Variants in MCTP1 observed in about 807,000 individuals in gnomAD.
The protein encoded by MCTP1 is multiple C2 and transmembrane domain-containing protein 1.
MCTP1 carries 69 observed loss-of-function variants against 120.6 expected under a neutral mutation model. The ratio of observed to expected loss-of-function variants is 0.57; its 90% CI spans 0.47 to 0.70. The LOEUF (loss-of-function observed/expected upper bound fraction) is 0.70. MCTP1 is among the 30% of genes least tolerant of loss of function. The pLI, the probability that MCTP1 is intolerant of heterozygous loss-of-function variation, is 0.00. For synonymous variants in MCTP1, 529 were observed against 493.1 expected, an observed-to-expected ratio of 1.07 and a Z score of -0.96; for missense variants, 1,203 against 1,248.8, an observed-to-expected ratio of 0.96 and a Z score of 0.55.
At position 94,866,463 on chromosome 5, in the gene MCTP1, G is replaced by C. The variant is rs899137373; in HGVS notation, c.2436+1870C>G. On this transcript the variant is annotated intron_variant, in intron 17 of 22. Coordinates refer to ENST00000515393, the MANE Select transcript of MCTP1 (RefSeq NM_024717.7). Reference sequence around the variant, plus strand: ...TTCTTCTCCAAAGTACTCTTACTCTGTTTTCACATTGTAGTTTGTGTTCTC... The same window carrying C: ...TTCTTCTCCAAAGTACTCTTACTCTCTTTTCACATTGTAGTTTGTGTTCTC... Among the ~76,000 whole-genome samples the C allele has an allele frequency of 2.0e-5, 3 of 151,116 alleles. No homozygotes were observed. In the East Asian group the frequency reaches 5.9e-4, roughly 30 times the overall value.
intron 6 of MCTP1, among the ~76,000 whole-genome samples, chr5:94,924,822 A>G (rs2153465663): frequency 6.6e-6 from 1 of 152,344 alleles, no homozygotes; most frequent in Admixed American, 6.5e-5. Context: ...AATAGTTGAC[A>G]CTGTGATAAA....
At chr5:95,145,525 T>C (rs2152448212) in intron 1 of MCTP1, among the ~76,000 whole-genome samples, 1 of 152,262 alleles carries the variant, frequency 6.6e-6, no homozygotes, top group East Asian at 1.9e-4. Flanking sequence ...ATGTTGACTG[T>C]GGGTTTGTCA....
At chr5:95,251,712 A>G (rs1300846455) in intron 1 of MCTP1, among the ~76,000 whole-genome samples, 2 of 152,166 alleles carry the variant, frequency 1.3e-5, no homozygotes, top group Non-Finnish European at 2.9e-5. Flanking sequence ...ATAATAAGTA[A>G]TATATGGTGC....
chr5:94,703,796 C>T lies in MCTP1; in HGVS notation c.*3700G>A, dbSNP rs994280211. On this transcript the variant is annotated 3_prime_UTR_variant, in exon 23 of 23. Transcript: ENST00000515393. ...GTTCCAGGAAACCTTTCATGGTGCT[C>T]TTAGTTTCTACATTGTATGATTGCT... is the stretch of plus-strand genomic sequence containing the variant. The T allele has an allele frequency of 6.6e-6, 1 of 151,128 alleles. No homozygotes were observed. The highest frequency in any genetic ancestry group is 1.5e-5 in the Non-Finnish European group (1 of 67,566). The allele number at this position is 151,128 out of a possible 1,614,324, so 9.4% of individuals were successfully genotyped here.
intron 2 of MCTP1, among the ~76,000 whole-genome samples, chr5:94,967,542 T>G (rs1201224391): frequency 6.6e-6 from 1 of 152,196 alleles, no homozygotes; most frequent in Admixed American, 6.5e-5. Flanking sequence ...CTGATGACAC[T>G]GTAAATATCC....
intron 1 of MCTP1, among the ~76,000 whole-genome samples, chr5:95,260,617 A>G (rs1473421516): frequency 3.3e-5 from 5 of 152,044 alleles, no homozygotes; most frequent in Non-Finnish European, 7.4e-5. Context: ...ATGTGTGTGT[A>G]TATATATATC....
intron 17 of MCTP1, among the ~76,000 whole-genome samples, chr5:94,819,581 G>A (rs529703971): frequency 2.0e-5 from 3 of 152,178 alleles, no homozygotes; most frequent in African/African-American, 7.2e-5. Context: ...CTTTGCAGAA[G>A]TGTTCATCTA....
At chr5:94,985,130 C>T (rs1249627973) in intron 2 of MCTP1, among the ~76,000 whole-genome samples, 2 of 152,088 alleles carry the variant, frequency 1.3e-5, no homozygotes, top group Admixed American at 1.3e-4. Flanking sequence ...AGATTTTGAC[C>T]ATGGTGATTT....
intron 19 of MCTP1, among the ~76,000 whole-genome samples, chr5:94,741,562 C>T (rs1407472897): frequency 2.0e-5 from 3 of 152,188 alleles, no homozygotes; most frequent in Non-Finnish European, 4.4e-5. Context: ...AGCTCCAGGA[C>T]TCAGACCTGG....
chr5:95,073,070 A>G (rs1752659290), intron 1 of MCTP1, among the ~76,000 whole-genome samples: 1 of 152,122 alleles, frequency 6.6e-6, no homozygotes, highest in South Asian at 2.1e-4. Context: ...CCTGTGCCAC[A>G]TGGTCCACTT....
chr5:94,860,754 G>T (rs770150193), intron 17 of MCTP1, among the ~76,000 whole-genome samples: 6 of 151,364 alleles, frequency 4.0e-5, no homozygotes, highest in Admixed American at 2.0e-4. Flanking sequence ...CTGGGGCGGG[G>T]GGGAAGCAAC....
At chr5:94,846,114 C>A (rs915457600) in intron 17 of MCTP1, among the ~76,000 whole-genome samples, 7 of 150 alleles carry the variant, frequency 0.047, no homozygotes, top group Non-Finnish European at 0.077. Context: ...GAACTTAAAA[C>A]AGAATTGGCT....
chr5:95,135,194 A>G (rs1262743421), intron 1 of MCTP1, among the ~76,000 whole-genome samples: 2 of 152,152 alleles, frequency 1.3e-5, no homozygotes, highest in African/African-American at 4.8e-5. Flanking sequence ...GACAGATTCT[A>G]TAACTCTGGA....
chr5:94,898,657 T>C (rs906120184), intron 10 of MCTP1, among the ~76,000 whole-genome samples: 1 of 152,196 alleles, frequency 6.6e-6, no homozygotes, highest in African/African-American at 2.4e-5. Context: ...AGGATAGGTA[T>C]ACAGTAATGG....
In MCTP1 at chr5:95,139,067, GT is replaced by G. The variant is rs200625838; in HGVS notation, c.721-121584del. Among the ~76,000 whole-genome samples the G allele has an allele frequency of 1.8e-3, 276 of 150,716 alleles. 4 individuals are homozygous for G. In the East Asian group the frequency reaches 0.03, roughly 17 times the overall value. On this transcript the variant is annotated intron_variant, in intron 1 of 22. Transcript: ENST00000515393. ...TTAGAACTTGTATAAAACATTTAGGGTTTTTTTTTCCTTTCAAATAGTCGTA... is the reference window on the plus strand; with the variant it reads ...TTAGAACTTGTATAAAACATTTAGGGTTTTTTTTCCTTTCAAATAGTCGTA...
chr5:95,164,546 A>G (rs12189103), intron 1 of MCTP1, among the ~76,000 whole-genome samples: 1 of 152,182 alleles, frequency 6.6e-6, no homozygotes, highest in African/African-American at 2.4e-5. Context: ...AGACAAAATA[A>G]CCAAATTTTA....
At chr5:94,982,892 A>AAAAAAAAAAAAAAAAAAC in intron 2 of MCTP1, among the ~76,000 whole-genome samples, 1 of 128,360 alleles carries the variant, frequency 7.8e-6, no homozygotes, top group Non-Finnish European at 1.6e-5. Flanking sequence ...ATCAAAAAAA[A>AAAAAAAAAAAAAAAAAAC]AAAAAAAAAA....
intron 1 of MCTP1, among the ~76,000 whole-genome samples, chr5:95,207,991 A>C (rs796188419): frequency 1.4e-4 from 8 of 57,874 alleles, no homozygotes; most frequent in Non-Finnish European, 1.2e-4. Context: ...GAGAGAGAGA[A>C]AGAGAGGGAG....
intron 19 of MCTP1, among the ~76,000 whole-genome samples, chr5:94,726,572 G>C (rs971408778): frequency 1.8e-5 from 1 of 55,336 alleles, no homozygotes; most frequent in African/African-American, 8.6e-5. Flanking sequence ...AAGGTATGGG[G>C]CCCGCAAAGT....
Sources: gnomAD v4.1 joint callset for allele counts (sites outside exome capture counted in the v4.1 genomes callset) on GRCh38, gnomAD v4.1.1 for gene constraint, MANE v1.5 for transcripts, NCBI Gene and HGNC (gene_info 2026-07-23, HGNC 2026-07-21) for gene names.